The following ARHGAP24 variants were observed in gnomAD, a reference collection of about 807,000 sequenced individuals.
ARHGAP24 encodes the protein rho GTPase-activating protein 24.
A neutral mutation model predicts 76.4 loss-of-function variants in ARHGAP24; 50 were observed. The ratio of observed to expected loss-of-function variants is 0.65; its 90% CI spans 0.52 to 0.83. The LOEUF is 0.83. Among genes scored for constraint, ARHGAP24 ranks in the 40% least tolerant of loss-of-function variants. The pLI, the probability that ARHGAP24 is intolerant of heterozygous loss-of-function variation, is 0.00. For missense variants in ARHGAP24, 930 were observed against 914.2 expected (o/e 1.02, Z -0.22); for synonymous variants, 345 against 323.3 (o/e 1.07, Z -0.72).
At chr4:85,627,016 T>C (rs1034172945) in intron 2 of ARHGAP24, among the ~76,000 whole-genome samples, 1 of 152,178 alleles carries the variant, frequency 6.6e-6, no homozygotes, top group African/African-American at 2.4e-5. Flanking sequence ...TGCCATTGGT[T>C]CGAATTTCCT....
At chr4:85,688,710 A>G (rs553574299) in intron 2 of ARHGAP24, among the ~76,000 whole-genome samples, 1 of 152,288 alleles carries the variant, frequency 6.6e-6, no homozygotes, top group East Asian at 1.9e-4. Context: ...ATAGATTGAG[A>G]TCTTACATTT....
At position 85,925,188 on chromosome 4, in the gene ARHGAP24, G is replaced by A. The variant is rs886935140; in HGVS notation, c.391+1418G>A. On this transcript the variant is annotated intron_variant, in intron 4 of 9. Coordinates refer to ENST00000395184, the MANE Select transcript of ARHGAP24 (RefSeq NM_001025616.3). ...TAAATGGAAAATTCTAAATATAAACGATTCACAAGATTTAAGTTGCACGTT... is the reference window on the plus strand; with the variant it reads ...TAAATGGAAAATTCTAAATATAAACAATTCACAAGATTTAAGTTGCACGTT... Among the ~76,000 whole-genome samples the A allele has an allele frequency of 6.6e-5, 10 of 152,110 alleles. No individual in the cohort carries two copies. In the East Asian group the frequency reaches 1.2e-3, roughly 18 times the overall value.
chr4:85,860,603 A>G (rs1460662377), intron 3 of ARHGAP24, among the ~76,000 whole-genome samples: 2 of 152,092 alleles, frequency 1.3e-5, no homozygotes, highest in East Asian at 3.9e-4. Context: ...CATTAAAAAT[A>G]ACTGAAATTC....
chr4:85,937,691 T>C (rs1222042853), intron 4 of ARHGAP24, among the ~76,000 whole-genome samples: 1 of 152,048 alleles, frequency 6.6e-6, no homozygotes, highest in African/African-American at 2.4e-5. Context: ...AGACTGACAG[T>C]TTTAAAGGGA....
At chr4:85,661,943 GTCTTT>G (rs943107964) in intron 2 of ARHGAP24, among the ~76,000 whole-genome samples, 397 of 152,288 alleles carry the variant, frequency 2.6e-3, no homozygotes, top group Middle Eastern at 0.01. Flanking sequence ...TTGGTTCCAA[GTCTTT>G]GCTATTGTGA....
At chr4:85,651,813 T>A in intron 2 of ARHGAP24, among the ~76,000 whole-genome samples, 1 of 152,126 alleles carries the variant, frequency 6.6e-6, no homozygotes, top group South Asian at 2.1e-4. Flanking sequence ...TCTTATTAGA[T>A]ATGTCATTAA....
intron 2 of ARHGAP24, among the ~76,000 whole-genome samples, chr4:85,653,040 T>C (rs1722005414): frequency 6.6e-6 from 1 of 152,196 alleles, no homozygotes; most frequent in Admixed American, 6.5e-5. Flanking sequence ...AAATGTATGT[T>C]AATAAAATGC....
At chr4:85,809,561 C>T (rs4693128) in intron 3 of ARHGAP24, among the ~76,000 whole-genome samples, 33,229 of 152,084 alleles carry the variant, frequency 0.22, 4,185 homozygotes, top group East Asian at 0.46. Flanking sequence ...TTAGCACCCA[C>T]TCTTTTTTTC....
chr4:85,795,896 T>C (rs1728320862), intron 3 of ARHGAP24, among the ~76,000 whole-genome samples: 1 of 152,164 alleles, frequency 6.6e-6, no homozygotes. Context: ...CATGCTCAAC[T>C]TGACTCATTC....
intron 3 of ARHGAP24, among the ~76,000 whole-genome samples, chr4:85,858,237 GAAAC>G (rs1174938604): frequency 6.6e-6 from 1 of 152,092 alleles, no homozygotes; most frequent in Non-Finnish European, 1.5e-5. Flanking sequence ...TAACATTTGT[GAAAC>G]AAACAAAGCA....
At chr4:85,902,944 A>G (rs1221385425) in intron 3 of ARHGAP24, among the ~76,000 whole-genome samples, 2 of 152,266 alleles carry the variant, frequency 1.3e-5, no homozygotes, top group East Asian at 3.8e-4. Flanking sequence ...TGAAAACTTA[A>G]AAGTTACTAG....
chr4:85,965,055 A>C (rs891629577), intron 5 of ARHGAP24, among the ~76,000 whole-genome samples: 1 of 152,120 alleles, frequency 6.6e-6, no homozygotes, highest in African/African-American at 2.4e-5. Flanking sequence ...CAGTTTGGTA[A>C]AGCTGGGCAC....
intron 1 of ARHGAP24, among the ~76,000 whole-genome samples, chr4:85,507,018 G>A (rs147396468): frequency 5.2e-4 from 79 of 152,220 alleles, no homozygotes; most frequent in African/African-American, 1.8e-3. Flanking sequence ...AATTGTTCAG[G>A]AATTCAGTGG....
chr4:85,980,804 A>G (rs996999135), intron 8 of ARHGAP24, among the ~76,000 whole-genome samples: 5 of 152,202 alleles, frequency 3.3e-5, no homozygotes, highest in Non-Finnish European at 7.3e-5. Flanking sequence ...TCATAGTAAT[A>G]TGAAGATGCT....
intron 3 of ARHGAP24, among the ~76,000 whole-genome samples, chr4:85,837,429 C>G (rs1354577532): frequency 6.6e-6 from 1 of 152,100 alleles, no homozygotes; most frequent in Non-Finnish European, 1.5e-5. Flanking sequence ...TCTGCCTCTC[C>G]TGCCCCAAGG....
chr4:85,747,381 T>A (rs1281490077), intron 3 of ARHGAP24, among the ~76,000 whole-genome samples: 1 of 152,142 alleles, frequency 6.6e-6, no homozygotes. Flanking sequence ...AAAACAAAAT[T>A]GAACCGCCTA....
intron 2 of ARHGAP24, among the ~76,000 whole-genome samples, chr4:85,671,906 T>C (rs1722827276): frequency 6.6e-6 from 1 of 152,174 alleles, no homozygotes; most frequent in Non-Finnish European, 1.5e-5. Flanking sequence ...GGGTCTGAAG[T>C]AAGTAGGTGC....
intron 3 of ARHGAP24, among the ~76,000 whole-genome samples, chr4:85,862,382 A>G (rs1054594884): frequency 1.3e-5 from 2 of 152,026 alleles, no homozygotes; most frequent in Admixed American, 6.6e-5. Flanking sequence ...ATTTGAACAC[A>G]GTTTGAACAC....
chr4:85,549,737 T>G (rs1726055485), intron 1 of ARHGAP24, among the ~76,000 whole-genome samples: 1 of 152,180 alleles, frequency 6.6e-6, no homozygotes, highest in Admixed American at 6.5e-5. Flanking sequence ...CCACAGGTAG[T>G]TTTTTGATCC....
Sources: allele counts gnomAD v4.1 joint callset (sites outside exome capture counted in the v4.1 genomes callset), GRCh38; gene constraint gnomAD v4.1.1; transcripts MANE v1.5; gene names NCBI Gene and HGNC (gene_info 2026-07-23, HGNC 2026-07-21).